ADCY7: variants seen among roughly 807,000 people sequenced by gnomAD.
ADCY7 encodes adenylate cyclase 7, also known as adenylate cyclase type 7.
Under a neutral mutation model 120.6 loss-of-function variants are expected in ADCY7, and 72 were observed. The observed-to-expected ratio is 0.60, with a 90% CI of 0.49 to 0.73. The LOEUF (loss-of-function observed/expected upper bound fraction) is 0.73. Among genes scored for constraint, ADCY7 ranks in the 30% least tolerant of loss-of-function variants. The probability of loss-of-function intolerance (pLI) is 0.00; values close to 1 mark genes in which losing one functional copy is unlikely to be tolerated. For synonymous variants in ADCY7, 661 were observed against 628.0 expected (o/e 1.05, Z -0.78); for missense variants, 1,227 against 1,486.0 (o/e 0.83, Z 2.87).
chr16:50,262,083 C>A (rs4611457), upstream of ADCY7, among the ~76,000 whole-genome samples: 2 of 151,908 alleles, frequency 1.3e-5, no homozygotes, highest in African/African-American at 4.8e-5. Flanking sequence ...TTATTTGTCC[C>A]TTGGCTGACT....
In ADCY7 at chr16:50,294,620, C is replaced by A; in HGVS notation, c.837-20C>A. 7.5e-7 allele frequency: 1 copy of A among 1,326,344 alleles called. No homozygotes were observed. Among genetic ancestry groups the A allele is most frequent in the Non-Finnish European group, 1.1e-6 (1 of 926,266 alleles). The allele number at this position is 1,326,344 out of a possible 1,614,324, so 82.2% of individuals were successfully genotyped here. A position where few individuals can be genotyped will look rare whatever the true frequency, so the allele number is the denominator to read the frequency against. ...AGGAGCCTGGCTCTGACACTCCCTC[C>A]CACCCTGCCCCATCCCCAGCATCCT... On this transcript the variant is annotated intron_variant, in intron 6 of 25. Transcript: ENST00000673801.
chr16:50,311,300 C>A lies in ADCY7; in HGVS notation c.2355-393C>A, dbSNP rs114595661. Among the ~76,000 whole-genome samples the A allele has an allele frequency of 5.5e-3, 830 of 152,220 alleles. 8 individuals carry two copies. The highest frequency in any genetic ancestry group is 0.019 in the African/African-American group (807 of 41,530). ...GGATTAAGGAGCGGACCTGGCCCCCCTAAACAAAAAAGCTGGAAGCCTGGG... is the reference window on the plus strand; with the variant it reads ...GGATTAAGGAGCGGACCTGGCCCCCATAAACAAAAAAGCTGGAAGCCTGGG... On this transcript the variant is annotated intron_variant, in intron 19 of 25. Transcript: ENST00000673801.
chr16:50,314,300 G>A lies in ADCY7; in HGVS notation c.2865G>A (p.Glu955=). ...CACAGCCTGTCCCGCAGGAGCTGGA[G>A]CGGCAGCATGCCCACATTGGTGTCA... ...VASGHENQEL[E]RQHAHIGVMV... Residue 955 remains glutamate (E), a synonymous_variant, in exon 24 of 26, where the codon GAG becomes GAA. Coordinates refer to ENST00000673801, the MANE Select transcript of ADCY7 (RefSeq NM_001114.5). 4 of 1,614,090 alleles carry A rather than the reference G, an allele frequency of 2.5e-6. No individual in the cohort carries two copies. The highest frequency in any genetic ancestry group is 3.4e-6 in the Non-Finnish European group (4 of 1,179,956).
chr16:50,300,927 G>A (rs2035674524), intron 9 of ADCY7, 54 bp downstream of exon 9: 3 of 1,530,250 alleles, frequency 2.0e-6, no homozygotes, highest in Non-Finnish European at 2.6e-6. Flanking sequence ...GGCTGTGGAT[G>A]GAGGGTTCTG....
chr16:50,301,239 TGG>T (rs35262781), intron 10 of ADCY7, 25 bp downstream of exon 10: 3 of 1,557,848 alleles, frequency 1.9e-6, no homozygotes, highest in African/African-American at 1.4e-5. Flanking sequence ...AGGCCGCAGC[TGG>T]GGGGGACCCG....
At chr16:50,314,264 AG>A (rs1310755755) in intron 23 of ADCY7, 27 bp from the exon 24 acceptor site, 2 of 1,605,666 alleles carry the variant, frequency 1.2e-6, no homozygotes, top group East Asian at 2.2e-5. Flanking sequence ...TGGAGATGCA[AG>A]GATCTGACCC....
At chr16:50,268,990 CTG>C (rs2033390542) in intron 1 of ADCY7, among the ~76,000 whole-genome samples, 1 of 152,216 alleles carries the variant, frequency 6.6e-6, no homozygotes, top group Non-Finnish European at 1.5e-5. Flanking sequence ...TGAGCCATGA[CTG>C]TGCCACTGCA....
intron 1 of ADCY7, among the ~76,000 whole-genome samples, chr16:50,247,866 C>T (rs1290670940): frequency 6.6e-6 from 1 of 152,158 alleles, no homozygotes; most frequent in Non-Finnish European, 1.5e-5. Flanking sequence ...GCCCTAAGTG[C>T]CCTTGGGCTT....
rs2036758623 is a variant in ADCY7 at position 50,315,456 on chromosome 16, ACTTT to A, written c.3195_3198del (p.Tyr1065Ter). On this transcript the variant is annotated frameshift_variant, in exon 26 of 26. Transcript: ENST00000673801. LOFTEE classifies it high-confidence loss of function. ...AAAGGCAAAGGCGAGCTGAGGACTT[ACTTT>A]GTCTGTACGGACACTGCCAAGTTTC... The A allele has an allele frequency of 6.2e-7, 1 of 1,614,024 alleles. No individual in the cohort carries two copies. Among genetic ancestry groups the A allele is most frequent in the South Asian group, 1.1e-5 (1 of 91,090 alleles).
intron 1 of ADCY7, among the ~76,000 whole-genome samples, chr16:50,281,519 G>C (rs764489034): frequency 1.6e-4 from 25 of 152,174 alleles, no homozygotes; most frequent in Non-Finnish European, 2.5e-4. Context: ...CCTGGGCCTG[G>C]TGCAGGATTC....
At chr16:50,313,875 C>T in intron 22 of ADCY7, 83 bp from the exon 23 acceptor site, 1 of 1,175,566 alleles carries the variant, frequency 8.5e-7, no homozygotes, top group Non-Finnish European at 1.3e-6. Flanking sequence ...TGGAGGGAAC[C>T]CCACACCCTT....
chr16:50,302,662 C>T (rs2035808248), intron 10 of ADCY7, among the ~76,000 whole-genome samples: 1 of 149,934 alleles, frequency 6.7e-6, no homozygotes, highest in Non-Finnish European at 1.5e-5. Context: ...ACTCCTTGTC[C>T]CCAGCCGGCA....
chr16:50,274,837 G>A (rs2033785434), intron 1 of ADCY7, among the ~76,000 whole-genome samples: 1 of 152,164 alleles, frequency 6.6e-6, no homozygotes, highest in Non-Finnish European at 1.5e-5. Flanking sequence ...AGACCCTGGA[G>A]GCCTTTCCTG....
chr16:50,305,666 T>C (rs2036013834), intron 13 of ADCY7, 80 bp downstream of exon 13: 1 of 1,500,420 alleles, frequency 6.7e-7, no homozygotes, highest in Non-Finnish European at 9.3e-7. Context: ...GCCCATCTCA[T>C]ACCCCATGCC....
At chr16:50,301,946 C>G (rs2035750018) in intron 10 of ADCY7, 1 of 152,888 alleles carries the variant, frequency 6.5e-6, no homozygotes, top group African/African-American at 2.4e-5. Flanking sequence ...CCCTACACAT[C>G]TGCTGGCCTC....
At chr16:50,269,452 C>A (rs1261930677) in intron 1 of ADCY7, among the ~76,000 whole-genome samples, 2 of 152,240 alleles carry the variant, frequency 1.3e-5, no homozygotes, top group East Asian at 3.8e-4. Context: ...CCCTACCCTG[C>A]CCTGTGCCTG....
chr16:50,293,389 C>A lies in ADCY7; in HGVS notation c.723C>A (p.Ile241=). The change falls in exon 6 of 26, where the codon ATC becomes ATA. Residue 241 remains isoleucine (I), a synonymous_variant. Coordinates refer to ENST00000673801, the MANE Select transcript of ADCY7 (RefSeq NM_001114.5). ...NLLLSVLPAH[I]SMGMKLAIIE... Reference sequence around the variant, plus strand: ...TGCTGTCAGTGCTTCCGGCCCACATCTCCATGGGCATGAAGCTGGCCATCA... The same window carrying A: ...TGCTGTCAGTGCTTCCGGCCCACATATCCATGGGCATGAAGCTGGCCATCA... 1 of 1,613,956 alleles carries A rather than the reference C, an allele frequency of 6.2e-7. No individual in the cohort carries two copies. Among genetic ancestry groups the A allele is most frequent in the East Asian group, 2.2e-5 (1 of 44,880 alleles).
At chr16:50,291,333 T>TG (rs2034943226) in intron 3 of ADCY7, among the ~76,000 whole-genome samples, 4 of 6,062 alleles carry the variant, frequency 6.6e-4, no homozygotes, top group South Asian at 4.4e-3. Context: ...GTGGGGATGG[T>TG]GGGGCAGCTC....
chr16:50,258,453 A>G (rs993280457), intron 1 of ADCY7, among the ~76,000 whole-genome samples: 3 of 152,074 alleles, frequency 2.0e-5, no homozygotes, highest in Admixed American at 1.3e-4. Flanking sequence ...TTGTATCCAG[A>G]GGCTTGATCT....
Sources: allele counts gnomAD v4.1 joint callset (sites outside exome capture counted in the v4.1 genomes callset), GRCh38; gene constraint gnomAD v4.1.1; transcripts MANE v1.5; gene names NCBI Gene and HGNC (gene_info 2026-07-23, HGNC 2026-07-21).